The following ULK4 variants were observed in gnomAD, a reference collection of about 807,000 sequenced individuals.
ULK4 encodes inactive serine/threonine-protein kinase ULK4.
In ULK4, 133 loss-of-function variants were observed where a neutral mutation model predicts 160.6. That is an observed-to-expected ratio of 0.83 (90% CI 0.72 to 0.96). ULK4 has a LOEUF of 0.96. ULK4 is among the 40% of genes least tolerant of loss of function. The pLI is 0.00. For missense variants in ULK4, 1,580 were observed against 1,499.5 expected (o/e 1.05, Z -0.89); for synonymous variants, 534 against 539.8 (o/e 0.99, Z 0.15).
chr3:41,911,826 C>G (rs1406097299), intron 9 of ULK4, among the ~76,000 whole-genome samples, 167 bp from the exon 10 acceptor site: 1 of 152,144 alleles, frequency 6.6e-6, no homozygotes, highest in Non-Finnish European at 1.5e-5. Flanking sequence ...CATCAAAGAC[C>G]GGCAGGAAAG....
Position 41,691,943 on chromosome 3 carries a change from CTTTTTTTTTTTTT to C in ULK4, c.2782-10152_2782-10140del, listed in dbSNP as rs751734628. Reference sequence around the variant, plus strand: ...AAAAATTATCTTCATCAAATCACTTCTTTTTTTTTTTTTTTTTTTTTTTTTTGAGACTGAGTCT... The same window carrying C: ...AAAAATTATCTTCATCAAATCACTTCTTTTTTTTTTTTTGAGACTGAGTCT... On this transcript the variant is annotated intron_variant, in intron 27 of 36. Coordinates refer to ENST00000301831, the MANE Select transcript of ULK4 (RefSeq NM_017886.4). 8.3e-5 allele frequency among the ~76,000 whole-genome samples: 8 copies of C among 96,346 alleles called. No individual in the cohort carries two copies. In the South Asian group the frequency reaches 1.9e-3, roughly 23 times the overall value. 63.2% of individuals were successfully genotyped at this position (96,346 alleles called of 152,430 possible).
At chr3:41,613,479 T>G (rs563611392) in intron 31 of ULK4, among the ~76,000 whole-genome samples, 1 of 151,706 alleles carries the variant, frequency 6.6e-6, no homozygotes, top group African/African-American at 2.4e-5. Context: ...ACCATTGATT[T>G]GGAAAGTATA....
intron 20 of ULK4, among the ~76,000 whole-genome samples, chr3:41,793,496 A>G (rs1171231224): frequency 6.6e-6 from 1 of 152,160 alleles, no homozygotes; most frequent in Non-Finnish European, 1.5e-5. Flanking sequence ...TTCAAACTAC[A>G]CACACTCTTA....
At chr3:41,735,591 C>A (rs182842661) in intron 22 of ULK4, among the ~76,000 whole-genome samples, 20 of 152,096 alleles carry the variant, frequency 1.3e-4, no homozygotes, top group African/African-American at 4.6e-4. Flanking sequence ...TCATTCTGGA[C>A]AATATCACAA....
chr3:41,318,775 T>G (rs2080193033), intron 35 of ULK4, among the ~76,000 whole-genome samples: 1 of 152,178 alleles, frequency 6.6e-6, no homozygotes, highest in Admixed American at 6.5e-5. Context: ...AAAAACAACT[T>G]GGATGTGGTT....
At chr3:41,306,497 C>A (rs2079939819) in intron 35 of ULK4, among the ~76,000 whole-genome samples, 1 of 149,284 alleles carries the variant, frequency 6.7e-6, no homozygotes. Context: ...CCCCGCCCGG[C>A]CAGCCGCCCC....
intron 35 of ULK4, among the ~76,000 whole-genome samples, chr3:41,391,792 G>A (rs1239067687): frequency 1.3e-5 from 2 of 152,032 alleles, no homozygotes; most frequent in Non-Finnish European, 2.9e-5. Context: ...AGACCACAGG[G>A]TAAAGATTCT....
chr3:41,374,886 C>T (rs2081449142), intron 35 of ULK4, among the ~76,000 whole-genome samples: 2 of 152,188 alleles, frequency 1.3e-5, no homozygotes, highest in Non-Finnish European at 2.9e-5. Flanking sequence ...ATTTAGAAAA[C>T]TTCATCGTCT....
At chr3:41,556,607 C>T (rs2087311575) in intron 32 of ULK4, among the ~76,000 whole-genome samples, 1 of 151,184 alleles carries the variant, frequency 6.6e-6, no homozygotes, top group Non-Finnish European at 1.5e-5. Flanking sequence ...CTTGCCTCAG[C>T]CTCCCAAGGA....
intron 12 of ULK4, among the ~76,000 whole-genome samples, chr3:41,904,897 A>G (rs1310051025): frequency 1.3e-5 from 2 of 152,236 alleles, no homozygotes; most frequent in East Asian, 1.9e-4. Flanking sequence ...GGAACACTTA[A>G]CATTGTTAAA....
At position 41,895,523 on chromosome 3, in the gene ULK4, C is replaced by A; in HGVS notation, c.1572G>T (p.Trp524Cys). 4.7e-6 allele frequency: 7 copies of A among 1,489,146 alleles called. No homozygotes were observed. The highest frequency in any genetic ancestry group is 4.1e-5 in the South Asian group (3 of 72,550). 92.2% of individuals were successfully genotyped at this position (1,489,146 alleles called of 1,614,324 possible). A position where few individuals can be genotyped will look rare whatever the true frequency, so the allele number is the denominator to read the frequency against. The change falls in exon 16 of 37, where the codon TGG (tryptophan) becomes TGT (cysteine). Residue 524 changes from tryptophan (W) to cysteine (C), a missense_variant. By Grantham distance (215) the Trp-to-Cys change is radical. Coordinates refer to ENST00000301831, the MANE Select transcript of ULK4 (RefSeq NM_017886.4). ...LIQHLRIAPNWDIRAKVAHVI... is the reference protein window; with the variant it reads ...LIQHLRIAPNCDIRAKVAHVI... ...AAAATATAAACGTTACTTACATATC[C>A]CAGTTTGGAGCTATCCGCAAATGCT...
chr3:41,818,114 A>C (rs2041027819), intron 19 of ULK4, among the ~76,000 whole-genome samples: 1 of 73,904 alleles, frequency 1.4e-5, no homozygotes, highest in African/African-American at 9.8e-5. Flanking sequence ...GAGTTTCCTC[A>C]AAAAAAAAAA....
chr3:41,448,032 C>T (rs556653590), intron 34 of ULK4, among the ~76,000 whole-genome samples: 86 of 152,318 alleles, frequency 5.6e-4, no homozygotes, highest in African/African-American at 2.0e-3. Context: ...TCTTACCAGA[C>T]TTAGTCTATG....
chr3:41,310,377 T>A (rs1661947292), intron 35 of ULK4, among the ~76,000 whole-genome samples: 1 of 152,168 alleles, frequency 6.6e-6, no homozygotes. Context: ...AATGACTACC[T>A]TTGAAATCAA....
rs1559610973 is a variant in ULK4, at chr3:41,856,549, GTGTATATATATACACATATATATA to G, written c.1657-20602_1657-20579del. Among the ~76,000 whole-genome samples, 326 of 57,972 alleles carry G rather than the reference GTGTATATATATACACATATATATA, an allele frequency of 5.6e-3. 14 individuals carry two copies. The East Asian group carries it at 0.11, about 20-fold the overall frequency. The allele number at this position is 57,972 out of a possible 152,430, so 38.0% of individuals were successfully genotyped here. The stretch of plus-strand genomic sequence containing the variant: ...TATATATATGTATGTATATATATAT[GTGTATATATATACACATATATATA>G]TGTGTATATATATACACATATATAT... On this transcript the variant is annotated intron_variant, in intron 17 of 36. Coordinates refer to ENST00000301831, the MANE Select transcript of ULK4 (RefSeq NM_017886.4).
Position 41,527,544 on chromosome 3 carries a change from C to T in ULK4, c.3226+38481G>A, listed in dbSNP as rs186634692. Among the ~76,000 whole-genome samples the T allele has an allele frequency of 3.3e-4, 50 of 152,280 alleles. 1 individual carries two copies. The highest frequency in any genetic ancestry group is 3.4e-3 in the Middle Eastern group (1 of 294). ...ATAGGGCTAACGCCAGTGGCATATG[C>T]CAGAGCCAGGATTTTCGAAGTGTGG... On this transcript the variant is annotated intron_variant, in intron 32 of 36. Transcript: ENST00000301831.
chr3:41,876,359 T>C (rs1328138327), intron 17 of ULK4, among the ~76,000 whole-genome samples: 1 of 152,178 alleles, frequency 6.6e-6, no homozygotes, highest in East Asian at 1.9e-4. Flanking sequence ...TCAATAACCA[T>C]TAATGTTAAA....
chr3:41,804,311 T>C (rs918929617), intron 19 of ULK4, among the ~76,000 whole-genome samples: 1 of 152,246 alleles, frequency 6.6e-6, no homozygotes, highest in Non-Finnish European at 1.5e-5. Flanking sequence ...TTCATGTCCT[T>C]CGCCCACTTT....
chr3:41,310,165 C>T (rs2080022752), intron 35 of ULK4, among the ~76,000 whole-genome samples: 1 of 152,130 alleles, frequency 6.6e-6, no homozygotes, highest in African/African-American at 2.4e-5. Context: ...TGATCATATC[C>T]TTAGATATAC....
Sources: gnomAD v4.1 joint callset for allele counts (sites outside exome capture counted in the v4.1 genomes callset) on GRCh38, gnomAD v4.1.1 for gene constraint, MANE v1.5 for transcripts, NCBI Gene and HGNC (gene_info 2026-07-23, HGNC 2026-07-21) for gene names.